SIMC1: variants seen among roughly 807,000 people sequenced by gnomAD.
SIMC1 encodes SUMO interacting motifs containing 1.
A neutral mutation model predicts 82.3 loss-of-function variants in SIMC1; 55 were observed. The ratio of observed to expected loss-of-function variants is 0.67; its 90% CI spans 0.54 to 0.84. The LOEUF is 0.84. SIMC1 is among the 40% of genes least tolerant of loss of function. The pLI is 0.00. For missense variants in SIMC1, 915 were observed against 1,107.2 expected (o/e 0.83, Z 2.46); for synonymous variants, 353 against 426.3 (o/e 0.83, Z 2.12).
chr5:176,321,000 C>T (rs755241948), intron 5 of SIMC1, among the ~76,000 whole-genome samples: 6 of 152,172 alleles, frequency 3.9e-5, no homozygotes, highest in Non-Finnish European at 8.8e-5. Context: ...AATTACCTCA[C>T]CCCTCATCCA....
chr5:176,283,945 T>C (rs1446177374), intron 1 of SIMC1, among the ~76,000 whole-genome samples: 3 of 151,992 alleles, frequency 2.0e-5, no homozygotes, highest in African/African-American at 7.3e-5. Flanking sequence ...TACATAATGG[T>C]AAAGGGATTA....
At chr5:176,306,355 G>A (rs1413213755) in intron 4 of SIMC1, among the ~76,000 whole-genome samples, 4 of 137,506 alleles carry the variant, frequency 2.9e-5, no homozygotes, top group Admixed American at 7.1e-5. Flanking sequence ...CTGCCCAGCC[G>A]CCCCTACTGG....
intron 4 of SIMC1, among the ~76,000 whole-genome samples, chr5:176,309,698 G>A (rs371516969): frequency 2.2e-4 from 34 of 152,316 alleles, no homozygotes; most frequent in African/African-American, 7.9e-4. Context: ...CACTTTGGGA[G>A]GCCAAGATGG....
At chr5:176,261,495 C>T (rs1338129816) in intron 1 of SIMC1, among the ~76,000 whole-genome samples, 1 of 152,062 alleles carries the variant, frequency 6.6e-6, no homozygotes, top group Non-Finnish European at 1.5e-5. Context: ...GTATTCCCAG[C>T]CAGCTCTTTG....
chr5:176,292,316 T>C (rs1476687374), intron 2 of SIMC1, among the ~76,000 whole-genome samples: 6 of 152,166 alleles, frequency 3.9e-5, no homozygotes, highest in Non-Finnish European at 8.8e-5. Context: ...ATGAAGTGTT[T>C]TTTAGTTATG....
intron 7 of SIMC1, among the ~76,000 whole-genome samples, chr5:176,329,881 G>C (rs1765564477): frequency 6.6e-6 from 1 of 152,176 alleles, no homozygotes; most frequent in Non-Finnish European, 1.5e-5. Flanking sequence ...GATTGGAATT[G>C]GAGGTATCAG....
At chr5:176,310,855 AG>A (rs776884545) in intron 4 of SIMC1, among the ~76,000 whole-genome samples, 5 of 152,240 alleles carry the variant, frequency 3.3e-5, no homozygotes, top group African/African-American at 7.2e-5. Context: ...TAATGAATAA[AG>A]TCTGTAGTCT....
intron 2 of SIMC1, among the ~76,000 whole-genome samples, chr5:176,292,342 A>G (rs1309587082): frequency 6.6e-6 from 1 of 152,216 alleles, no homozygotes; most frequent in African/African-American, 2.4e-5. Context: ...CCCATCCCCC[A>G]TATTAAGAAA....
intron 5 of SIMC1, among the ~76,000 whole-genome samples, chr5:176,316,433 A>T (rs1243139477): frequency 1.3e-5 from 2 of 151,352 alleles, no homozygotes; most frequent in African/African-American, 2.4e-5. Context: ...TTGGGAGGCC[A>T]AGGTGGGCAG....
At position 176,243,771 on chromosome 5, in the gene SIMC1, G is replaced by A. The variant is rs572231954; in HGVS notation, c.129+5134G>A. The stretch of plus-strand genomic sequence containing the variant: ...CCTGACCTCATGATCCACCCGCCTC[G>A]GCCTCCCAAAGTGCTGGGATTACAG... On this transcript the variant is annotated intron_variant, in intron 1 of 9. Transcript: ENST00000429602. 9.2e-5 allele frequency among the ~76,000 whole-genome samples: 14 copies of A among 152,140 alleles called. No homozygotes were observed. The East Asian group carries it at 1.7e-3, about 19-fold the overall frequency.
chr5:176,246,103 G>A lies in SIMC1; in HGVS notation c.129+7466G>A, dbSNP rs553001880. On this transcript the variant is annotated intron_variant, in intron 1 of 9. Transcript: ENST00000429602. ...CGGGTCACTGCAACCTCCACCTCCC[G>A]GATTCAAGCAATTCTCCTGCCTCAG... 2.5e-3 allele frequency among the ~76,000 whole-genome samples: 371 copies of A among 149,226 alleles called. 3 individuals carry two copies. The highest frequency in any genetic ancestry group is 8.6e-3 in the African/African-American group (350 of 40,476).
At chr5:176,263,652 A>C in intron 1 of SIMC1, 2 of 1,074,108 alleles carry the variant, frequency 1.9e-6, no homozygotes, top group Non-Finnish European at 2.5e-6. Flanking sequence ...TCCTACCTCC[A>C]ACATTGGGGA....
In SIMC1 at chr5:176,250,537, A is replaced by G. The variant is rs1455599121; in HGVS notation, c.129+11900A>G. Reference sequence around the variant, plus strand: ...TCCTTGTTAATTTTCTGTCTTGTTGATCTGTCTAATATTGACAGTGGGGTG... The same window carrying G: ...TCCTTGTTAATTTTCTGTCTTGTTGGTCTGTCTAATATTGACAGTGGGGTG... On this transcript the variant is annotated intron_variant, in intron 1 of 9. Coordinates refer to ENST00000429602, the MANE Select transcript of SIMC1 (RefSeq NM_001308195.2). Among the ~76,000 whole-genome samples the G allele has an allele frequency of 3.3e-5, 5 of 152,304 alleles. No homozygotes were observed. In the South Asian group the frequency reaches 8.3e-4, roughly 25 times the overall value.
chr5:176,276,838 AGTCTAT>A (rs1283456184), intron 1 of SIMC1, among the ~76,000 whole-genome samples: 14 of 145,422 alleles, frequency 9.6e-5, no homozygotes, highest in Admixed American at 2.8e-4. Context: ...TTCTTAATCC[AGTCTAT>A]CATTGTTGGA....
intron 1 of SIMC1, among the ~76,000 whole-genome samples, chr5:176,280,012 C>G (rs1448137798): frequency 6.6e-6 from 1 of 152,016 alleles, no homozygotes; most frequent in East Asian, 1.9e-4. Flanking sequence ...GAGCTGAGTT[C>G]AATTCCTGGG....
At chr5:176,269,331 G>A (rs1397273496) in intron 1 of SIMC1, among the ~76,000 whole-genome samples, 2 of 152,148 alleles carry the variant, frequency 1.3e-5, no homozygotes, top group African/African-American at 4.8e-5. Flanking sequence ...GATAAAAATA[G>A]GAATTGGGAA....
intron 1 of SIMC1, among the ~76,000 whole-genome samples, chr5:176,253,308 C>T (rs1177483928): frequency 6.6e-6 from 1 of 152,088 alleles, no homozygotes; most frequent in African/African-American, 2.4e-5. Context: ...ATATTTTTTC[C>T]TTCATTTCAA....
intron 1 of SIMC1, among the ~76,000 whole-genome samples, chr5:176,261,395 A>G (rs1196501134): frequency 6.6e-6 from 1 of 152,182 alleles, no homozygotes; most frequent in Admixed American, 6.5e-5. Flanking sequence ...TATTAAGCTT[A>G]TAGATCAATT....
chr5:176,296,113 G>C, intron 3 of SIMC1, 138 bp from the exon 4 acceptor site: 1 of 1,443,766 alleles, frequency 6.9e-7, no homozygotes, highest in Non-Finnish European at 9.4e-7. Flanking sequence ...GATTGACATG[G>C]TATGATACCA....
Sources: allele counts gnomAD v4.1 joint callset (sites outside exome capture counted in the v4.1 genomes callset), GRCh38; gene constraint gnomAD v4.1.1; transcripts MANE v1.5; gene names NCBI Gene and HGNC (gene_info 2026-07-23, HGNC 2026-07-21).